The following SMC1B variants were observed in gnomAD, a reference collection of about 807,000 sequenced individuals.
SMC1B encodes the protein structural maintenance of chromosomes protein 1B.
A neutral mutation model predicts 157.9 loss-of-function variants in SMC1B; 60 were observed. The ratio of observed to expected loss-of-function variants is 0.38; its 90% CI spans 0.31 to 0.47. SMC1B has a LOEUF of 0.47. Among genes scored for constraint, SMC1B ranks in the 20% least tolerant of loss-of-function variants. SMC1B has a pLI of 0.99. For missense variants in SMC1B, 1,165 were observed against 1,426.2 expected, an observed-to-expected ratio of 0.82 and a Z score of 2.95; for synonymous variants, 445 against 483.0, an observed-to-expected ratio of 0.92 and a Z score of 1.03.
intron 15 of SMC1B, among the ~76,000 whole-genome samples, chr22:45,369,542 CTTT>C (rs136566): frequency 6.3e-5 from 7 of 110,736 alleles, no homozygotes; most frequent in Admixed American, 9.4e-5. Flanking sequence ...CTAGCTGTTT[CTTT>C]TTTTTTTTTT....
At chr22:45,351,339 A>T (rs1289970665) in intron 22 of SMC1B, among the ~76,000 whole-genome samples, 1 of 152,224 alleles carries the variant, frequency 6.6e-6, no homozygotes, top group East Asian at 1.9e-4. Context: ...ATATCTGTTG[A>T]CTAAATGGAT....
intron 5 of SMC1B, among the ~76,000 whole-genome samples, chr22:45,401,875 C>T (rs992443614): frequency 6.6e-6 from 1 of 151,922 alleles, no homozygotes; most frequent in Non-Finnish European, 1.5e-5. Flanking sequence ...CACTTCAGGA[C>T]CATTCTACAC....
chr22:45,410,066 A>C (rs556926346), intron 1 of SMC1B, among the ~76,000 whole-genome samples: 115 of 152,344 alleles, frequency 7.5e-4, no homozygotes, highest in African/African-American at 2.6e-3. Flanking sequence ...GGAGGAATGA[A>C]GCACTGAGTG....
chr22:45,352,951 G>T (rs1386262978), intron 21 of SMC1B, among the ~76,000 whole-genome samples: 1 of 152,132 alleles, frequency 6.6e-6, no homozygotes, highest in African/African-American at 2.4e-5. Context: ...TATGGGCCAG[G>T]TACTGTAGAT....
At chr22:45,364,585 C>CA (rs1491589207) in intron 15 of SMC1B, among the ~76,000 whole-genome samples, 1 of 152,164 alleles carries the variant, frequency 6.6e-6, no homozygotes, top group Non-Finnish European at 1.5e-5. Context: ...ATGACACACT[C>CA]AGACAGGGGG....
At chr22:45,357,975 G>T (rs960518052) in intron 19 of SMC1B, among the ~76,000 whole-genome samples, 6 of 152,144 alleles carry the variant, frequency 3.9e-5, no homozygotes, top group African/African-American at 1.2e-4. Context: ...CTAAGGAGGT[G>T]GGGGAGAAAG....
At chr22:45,353,461 A>T (rs2086635275) in intron 21 of SMC1B, among the ~76,000 whole-genome samples, 1 of 152,156 alleles carries the variant, frequency 6.6e-6, no homozygotes, top group Non-Finnish European at 1.5e-5. Context: ...TTCACATTCA[A>T]TTCCACAAGT....
Position 45,352,453 on chromosome 22 carries a change from G to C in SMC1B, c.3423C>G (p.His1141Gln). ...VAALALLFAV[H>Q]SFRPAPFFVL... is the part of the protein sequence containing the mutation. Reference sequence around the variant, plus strand: ...CTGAATAGCTTTTGTGACCTTACCTGTGCACAGCAAACAGGAGAGCCAAGG... The same window carrying C: ...CTGAATAGCTTTTGTGACCTTACCTCTGCACAGCAAACAGGAGAGCCAAGG... The change falls in exon 22 of 25, where the codon CAC becomes CAG. Residue 1141 changes from histidine to glutamine, a missense_variant and splice_region_variant. Transcript: ENST00000357450. 1 of 1,613,532 alleles carries C rather than the reference G, an allele frequency of 6.2e-7. No individual in the cohort carries two copies. The highest frequency in any genetic ancestry group is 1.1e-5 in the South Asian group (1 of 90,996).
intron 20 of SMC1B, among the ~76,000 whole-genome samples, chr22:45,354,361 G>GGTATGTATGTATGTAT (rs376322847): frequency 4.6e-5 from 7 of 151,120 alleles, no homozygotes; most frequent in Admixed American, 1.3e-4. Flanking sequence ...GTTCTGATAG[G>GGTATGTATGTATGTAT]GTATGTATGT....
chr22:45,353,710 A>G (rs2086637475), intron 21 of SMC1B, among the ~76,000 whole-genome samples: 1 of 152,028 alleles, frequency 6.6e-6, no homozygotes, highest in Admixed American at 6.6e-5. Flanking sequence ...TTGGAAACAA[A>G]ATGATTTAGT....
chr22:45,372,019 G>T, intron 13 of SMC1B, 136 bp downstream of exon 13: 1 of 681,236 alleles, frequency 1.5e-6, no homozygotes, highest in Non-Finnish European at 2.3e-6. Flanking sequence ...CTCCAGCCTG[G>T]GTGACAGAGT....
chr22:45,393,098 G>A (rs949731350), intron 9 of SMC1B, among the ~76,000 whole-genome samples: 1 of 152,072 alleles, frequency 6.6e-6, no homozygotes, highest in Non-Finnish European at 1.5e-5. Context: ...TGATGTTAGG[G>A]ACAAGAGGAT....
chr22:45,390,510 A>G (rs2087045124), intron 9 of SMC1B, among the ~76,000 whole-genome samples: 1 of 152,100 alleles, frequency 6.6e-6, no homozygotes, highest in East Asian at 1.9e-4. Flanking sequence ...GATCGAGACC[A>G]TCCTGGTCAA....
At chr22:45,352,334 T>A in intron 22 of SMC1B, 117 bp downstream of exon 22, 1 of 893,030 alleles carries the variant, frequency 1.1e-6, no homozygotes, top group Non-Finnish European at 1.6e-6. Flanking sequence ...CTGAAGAAGA[T>A]AGTTTTGTAT....
At chr22:45,349,924 G>T in intron 22 of SMC1B, 127 bp from the exon 23 acceptor site, 1 of 726,206 alleles carries the variant, frequency 1.4e-6, no homozygotes, top group Non-Finnish European at 2.2e-6. Context: ...AGTAATCGGT[G>T]ACCTCTATGT....
At chr22:45,375,789 T>C (rs762749115) in intron 12 of SMC1B, among the ~76,000 whole-genome samples, 2 of 152,202 alleles carry the variant, frequency 1.3e-5, no homozygotes, top group Non-Finnish European at 2.9e-5. Flanking sequence ...AAATTCTATC[T>C]AGTCAGATGT....
At chr22:45,372,113 C>T in intron 13 of SMC1B, 42 bp downstream of exon 13, 1 of 1,513,996 alleles carries the variant, frequency 6.6e-7, no homozygotes, top group Non-Finnish European at 8.9e-7. Context: ...ATTCTATGTT[C>T]TGGGTCAAAT....
intron 2 of SMC1B, among the ~76,000 whole-genome samples, chr22:45,408,410 C>T (rs1372741638): frequency 6.6e-6 from 1 of 152,170 alleles, no homozygotes; most frequent in Admixed American, 6.5e-5. Context: ...CAGGCGTGAG[C>T]CACCATACCC....
intron 1 of SMC1B, among the ~76,000 whole-genome samples, chr22:45,410,135 T>C (rs1376874798): frequency 2.6e-5 from 4 of 152,244 alleles, no homozygotes; most frequent in African/African-American, 4.8e-5. Flanking sequence ...TTGCCTCATA[T>C]ATCCTTTCCC....
Sources: gnomAD v4.1 joint callset for allele counts (sites outside exome capture counted in the v4.1 genomes callset) on GRCh38, gnomAD v4.1.1 for gene constraint, MANE v1.5 for transcripts, NCBI Gene and HGNC (gene_info 2026-07-23, HGNC 2026-07-21) for gene names.